The following DRAM2 variants were observed in gnomAD, a reference collection of about 807,000 sequenced individuals.
DRAM2 encodes the protein DNA damage regulated autophagy modulator 2, also known as DNA damage-regulated autophagy modulator protein 2.
DRAM2 carries 26 observed loss-of-function variants against 33.5 expected under a neutral mutation model. That is an observed-to-expected ratio of 0.78 (90% confidence interval 0.57 to 1.08). The LOEUF is 1.08. Among genes scored for constraint, DRAM2 ranks in the 50% least tolerant of loss-of-function variants. The pLI, the probability that DRAM2 is intolerant of heterozygous loss-of-function variation, is 0.00. For synonymous variants in DRAM2, 98 were observed against 109.5 expected (o/e 0.89, Z 0.66); for missense variants, 311 against 318.1 (o/e 0.98, Z 0.17).
intron 4 of DRAM2, among the ~76,000 whole-genome samples, chr1:111,128,249 C>G (rs1375325082): frequency 2.7e-5 from 4 of 147,294 alleles, no homozygotes; most frequent in Non-Finnish European, 5.9e-5. Flanking sequence ...GCTAGTTTAA[C>G]TTAATCATTT....
Position 111,130,699 on chromosome 1 carries a change from C to CA in DRAM2, c.131+724dup, listed in dbSNP as rs1252596900. On this transcript the variant is annotated intron_variant, in intron 4 of 9. Coordinates refer to ENST00000484310, the MANE Select transcript of DRAM2 (RefSeq NM_001349884.2). The stretch of plus-strand genomic sequence containing the variant: ...TGGGCGATAGAGTGAGATTCCATCT[C>CA]AAAAAAAAAAAAAAGTTTGGGTGCA... Among the ~76,000 whole-genome samples the CA allele has an allele frequency of 7.1e-3, 716 of 100,896 alleles. 8 individuals are homozygous for CA. The highest frequency in any genetic ancestry group is 0.046 in the Middle Eastern group (6 of 130). 66.2% of individuals were successfully genotyped at this position (100,896 alleles called of 152,430 possible).
At position 111,137,210 on chromosome 1, in the gene DRAM2, C is replaced by T. The variant is rs186656540; in HGVS notation, c.-15+313G>A. Among the ~76,000 whole-genome samples the T allele has an allele frequency of 3.4e-3, 500 of 145,510 alleles. 12 individuals are homozygous for T. Among genetic ancestry groups the T allele is most frequent in the East Asian group, 1.0e-3 (5 of 4,912 alleles). ...CGGAGCCTGCAGTGAGCCGAGATCGCGCCACTGCACTCCAACCTGGGCGAC... is the reference window on the plus strand; with the variant it reads ...CGGAGCCTGCAGTGAGCCGAGATCGTGCCACTGCACTCCAACCTGGGCGAC... On this transcript the variant is annotated intron_variant, in intron 3 of 9. Transcript: ENST00000484310.
chr1:111,126,302 A>G lies in DRAM2; in HGVS notation c.132-8T>C. On this transcript the variant is annotated splice_region_variant and splice_polypyrimidine_tract_variant and intron_variant, in intron 4 of 9. Coordinates refer to ENST00000484310, the MANE Select transcript of DRAM2 (RefSeq NM_001349884.2). Reference sequence around the variant, plus strand: ...GCTACTGTACCAGTGTCACTGAAAGAAAAAAAGGAAGGTATGTGGATTTCT... The same window carrying G: ...GCTACTGTACCAGTGTCACTGAAAGGAAAAAAGGAAGGTATGTGGATTTCT... The G allele has an allele frequency of 6.3e-7, 1 of 1,585,768 alleles. No individual in the cohort carries two copies. The highest frequency in any genetic ancestry group is 8.6e-7 in the Non-Finnish European group (1 of 1,156,906).
intron 8 of DRAM2, 122 bp downstream of exon 8, chr1:111,119,755 T>C: frequency 1.3e-6 from 1 of 798,716 alleles, no homozygotes; most frequent in Non-Finnish European, 2.0e-6. Flanking sequence ...ATAATTTTAA[T>C]ACAGAACTGA....
intron 4 of DRAM2, among the ~76,000 whole-genome samples, chr1:111,130,760 G>A (rs536013279): frequency 6.6e-6 from 1 of 151,386 alleles, no homozygotes; most frequent in South Asian, 2.1e-4. Context: ...ACTTTGGGAG[G>A]CTGAGGTGGG....
In DRAM2 at chr1:111,117,556, C is replaced by A. The variant is rs115514438; in HGVS notation, c.*604G>T. Reference sequence around the variant, plus strand: ...ATTAGCTTAGTATCTGGCATTGTGGCCAGAAAAAAAAAAATCGTTACCTAC... The same window carrying A: ...ATTAGCTTAGTATCTGGCATTGTGGACAGAAAAAAAAAAATCGTTACCTAC... On this transcript the variant is annotated 3_prime_UTR_variant, in exon 10 of 10. Coordinates refer to ENST00000484310, the MANE Select transcript of DRAM2 (RefSeq NM_001349884.2). 1,708 of 152,016 alleles carry A rather than the reference C, an allele frequency of 0.011. 33 individuals are homozygous for A. Among genetic ancestry groups the A allele is most frequent in the African/African-American group, 0.038 (1,553 of 41,308 alleles). 9.4% of individuals were successfully genotyped at this position (152,016 alleles called of 1,614,324 possible). A position where few individuals can be genotyped will look rare whatever the true frequency, so the allele number is the denominator to read the frequency against.
At position 111,124,860 on chromosome 1, in the gene DRAM2, C is replaced by T. The variant is rs759094596; in HGVS notation, c.221G>A (p.Arg74His). 13 of 1,612,222 alleles carry T rather than the reference C, an allele frequency of 8.1e-6. No individual in the cohort carries two copies. Among genetic ancestry groups the T allele is most frequent in the African/African-American group, 1.3e-5 (1 of 74,766 alleles). The part of the protein sequence containing the change: ...AVLCIATIYV[R>H]YKQVHALSPE... The stretch of plus-strand genomic sequence containing the variant: ...ACTCAGAGCATGAACTTGCTTATAA[C>T]GAACATAAATGGTAGCAATGCCTGG... Residue 74 changes from arginine to histidine, a missense_variant, in exon 6 of 10, where the codon CGT becomes CAT. By Grantham distance (29) the Arg-to-His change is conservative. Coordinates refer to ENST00000484310, the MANE Select transcript of DRAM2 (RefSeq NM_001349884.2).
chr1:111,124,591 C>T (rs963290889), intron 6 of DRAM2, 151 bp downstream of exon 6: 4 of 777,000 alleles, frequency 5.1e-6, no homozygotes, highest in Non-Finnish European at 6.0e-6. Context: ...GTAGCTATTT[C>T]TAATAGGGTC....
In DRAM2 at chr1:111,139,676, G is replaced by A. The variant is rs1267216900; in HGVS notation, c.-244-10C>T. The A allele has an allele frequency of 2.6e-5, 4 of 152,376 alleles. No individual in the cohort carries two copies. The highest frequency in any genetic ancestry group is 4.4e-5 in the Non-Finnish European group (3 of 68,154). 9.4% of individuals were successfully genotyped at this position (152,376 alleles called of 1,614,324 possible). On this transcript the variant is annotated splice_polypyrimidine_tract_variant and intron_variant, in intron 1 of 9. Coordinates refer to ENST00000484310, the MANE Select transcript of DRAM2 (RefSeq NM_001349884.2). Reference sequence around the variant, plus strand: ...CTCCGCTCCGCTTTGCCTGGGACCAGGAAAAGACGCGAGAGACGGAACTCG... The same window carrying A: ...CTCCGCTCCGCTTTGCCTGGGACCAAGAAAAGACGCGAGAGACGGAACTCG...
rs1029778516 is a variant in DRAM2 at position 111,117,362 on chromosome 1, C to T, written c.*798G>A. 5.9e-5 allele frequency: 9 copies of T among 152,060 alleles called. No individual in the cohort carries two copies. The highest frequency in any genetic ancestry group is 2.2e-4 in the African/African-American group (9 of 41,428). The allele number at this position is 152,060 out of a possible 1,614,324, so 9.4% of individuals were successfully genotyped here. ...TTATGACTTTTATTAATCATATCTG[C>T]TGTTATTCCCAAACTTCTCAATGTT... On this transcript the variant is annotated 3_prime_UTR_variant, in exon 10 of 10. Transcript: ENST00000484310.
rs991508118 is a variant in DRAM2 at position 111,118,907 on chromosome 1, G to A, written c.601-10C>T. ...TGTGAAGCACATAACCCTGAGTGAT[G>A]GGAAAAAAAGAATAGTTTTGTGAAA... On this transcript the variant is annotated splice_polypyrimidine_tract_variant and intron_variant, in intron 8 of 9. Transcript: ENST00000484310. 3 of 1,564,550 alleles carry A rather than the reference G, an allele frequency of 1.9e-6. No individual in the cohort carries two copies. The highest frequency in any genetic ancestry group is 1.8e-5 in the Admixed American group (1 of 54,368).
chr1:111,118,817 A>C lies in DRAM2; in HGVS notation c.681T>G (p.Ile227Met). The change falls in exon 9 of 10, where the codon ATT becomes ATG. Residue 227 changes from isoleucine (I) to methionine (M), a missense_variant. Coordinates refer to ENST00000484310, the MANE Select transcript of DRAM2 (RefSeq NM_001349884.2). The part of the protein sequence containing the change: ...FSFFGFFLTY[I>M]RDFQKISLRV... ...TGTGCCTTCTTACCTGAAAATCACG[A>C]ATGTAAGTCAGGAAAAAACCAAAGA... The C allele has an allele frequency of 6.2e-7, 1 of 1,607,480 alleles. No individual in the cohort carries two copies. Among genetic ancestry groups the C allele is most frequent in the Non-Finnish European group, 8.5e-7 (1 of 1,175,840 alleles).
chr1:111,126,215 T>A lies in DRAM2; in HGVS notation c.199+12A>T. 1.3e-6 allele frequency: 2 copies of A among 1,589,932 alleles called. No individual in the cohort carries two copies. On this transcript the variant is annotated intron_variant, in intron 5 of 9. Transcript: ENST00000484310. ...TGGCTATTATCATGTTAAAATCACT[T>A]TCATTACTTACATAAAACTGCCGCA...
intron 3 of DRAM2, among the ~76,000 whole-genome samples, chr1:111,134,164 AT>A (rs1236841691): frequency 6.6e-6 from 1 of 152,222 alleles, no homozygotes; most frequent in Non-Finnish European, 1.5e-5. Flanking sequence ...TAATGAGTCA[AT>A]AATGTGAATT....
chr1:111,137,832 C>T (rs766231777), intron 2 of DRAM2, among the ~76,000 whole-genome samples: 1 of 152,144 alleles, frequency 6.6e-6, no homozygotes, highest in African/African-American at 2.4e-5. Flanking sequence ...ACATCCAACA[C>T]CTTCACTATC....
chr1:111,126,891 T>C (rs2101054697), intron 4 of DRAM2, among the ~76,000 whole-genome samples: 1 of 152,310 alleles, frequency 6.6e-6, no homozygotes, highest in Middle Eastern at 3.4e-3. Context: ...TAGCAGATAG[T>C]GACTCACATA....
chr1:111,123,884 G>C (rs1234944451), intron 6 of DRAM2, among the ~76,000 whole-genome samples: 1 of 152,160 alleles, frequency 6.6e-6, no homozygotes, highest in Admixed American at 6.6e-5. Context: ...TCCATCATGT[G>C]TAAGCTTCTT....
intron 3 of DRAM2, among the ~76,000 whole-genome samples, chr1:111,133,827 A>C (rs1383107431): frequency 6.6e-6 from 1 of 152,242 alleles, no homozygotes; most frequent in African/African-American, 2.4e-5. Context: ...CATGGTGACT[A>C]GAACACTACC....
intron 3 of DRAM2, among the ~76,000 whole-genome samples, chr1:111,132,995 A>C (rs1264840007): frequency 6.6e-6 from 1 of 151,774 alleles, no homozygotes; most frequent in Non-Finnish European, 1.5e-5. Flanking sequence ...TTCTATTATT[A>C]CTCAATCCTC....
Sources: gnomAD v4.1 joint callset for allele counts (sites outside exome capture counted in the v4.1 genomes callset) on GRCh38, gnomAD v4.1.1 for gene constraint, MANE v1.5 for transcripts, NCBI Gene and HGNC (gene_info 2026-07-23, HGNC 2026-07-21) for gene names.